Variants in NKAIN2 observed in about 807,000 individuals in gnomAD.
The protein encoded by NKAIN2 is sodium/potassium-transporting ATPase subunit beta-1-interacting protein 2.
Under a neutral mutation model 32.6 loss-of-function variants are expected in NKAIN2, and 14 were observed. That is an observed-to-expected ratio of 0.43 (90% CI 0.28 to 0.67). The LOEUF (loss-of-function observed/expected upper bound fraction) is 0.67. NKAIN2 is among the 30% of genes least tolerant of loss of function. The pLI, the probability that NKAIN2 is intolerant of heterozygous loss-of-function variation, is 0.17. For missense variants in NKAIN2, 198 were observed against 258.3 expected (o/e 0.77, Z 1.60); for synonymous variants, 80 against 87.2 (o/e 0.92, Z 0.46).
In NKAIN2 at chr6:124,061,223, T is replaced by C. The variant is rs144934465; in HGVS notation, c.55-221782T>C. On this transcript the variant is annotated intron_variant, in intron 1 of 6. Coordinates refer to ENST00000368417, the MANE Select transcript of NKAIN2 (RefSeq NM_001040214.3). ...CATGCATCTTGAAGATAAATAGGAG[T>C]ACACCACCATATATGTGCTGGAGTT... Among the ~76,000 whole-genome samples, 158 of 152,212 alleles carry C rather than the reference T, an allele frequency of 1.0e-3. 1 individual carries two copies. Among genetic ancestry groups the C allele is most frequent in the Non-Finnish European group, 1.9e-3 (130 of 67,992 alleles).
At chr6:124,762,324 A>G (rs1778308937) in intron 4 of NKAIN2, among the ~76,000 whole-genome samples, 1 of 152,110 alleles carries the variant, frequency 6.6e-6, no homozygotes, top group Admixed American at 6.6e-5. Context: ...GACATTAGTC[A>G]GATTGGATTA....
intron 4 of NKAIN2, among the ~76,000 whole-genome samples, chr6:124,674,897 T>C (rs780305128): frequency 6.6e-6 from 1 of 152,070 alleles, no homozygotes; most frequent in Non-Finnish European, 1.5e-5. Context: ...CAATGTTGAA[T>C]AAAAGTGGCA....
At chr6:124,426,503 CAG>C in intron 3 of NKAIN2, among the ~76,000 whole-genome samples, 1 of 152,116 alleles carries the variant, frequency 6.6e-6, no homozygotes, top group Admixed American at 6.6e-5. Flanking sequence ...AAAAATAAAA[CAG>C]AGATAAATGA....
intron 1 of NKAIN2, among the ~76,000 whole-genome samples, chr6:124,007,196 C>A (rs1438748046): frequency 2.0e-5 from 3 of 152,282 alleles, no homozygotes; most frequent in East Asian, 1.9e-4. Context: ...CTAAACATAT[C>A]TAAACATAGA....
At chr6:124,418,920 G>A (rs1774621166) in intron 3 of NKAIN2, among the ~76,000 whole-genome samples, 1 of 151,982 alleles carries the variant, frequency 6.6e-6, no homozygotes, top group Non-Finnish European at 1.5e-5. Context: ...TGGTTTCTCA[G>A]GGGACTTTAC....
At chr6:124,242,694 A>G (rs564562528) in intron 1 of NKAIN2, among the ~76,000 whole-genome samples, 1 of 152,304 alleles carries the variant, frequency 6.6e-6, no homozygotes, top group Admixed American at 6.5e-5. Context: ...CGTATACACC[A>G]TGGAATACTA....
intron 3 of NKAIN2, among the ~76,000 whole-genome samples, chr6:124,590,348 T>C (rs1781866178): frequency 6.6e-6 from 1 of 152,200 alleles, no homozygotes; most frequent in South Asian, 2.1e-4. Flanking sequence ...TTAAGAATCT[T>C]GAAATGCATC....
chr6:124,387,392 C>G (rs1004452695), intron 3 of NKAIN2, among the ~76,000 whole-genome samples: 11 of 151,682 alleles, frequency 7.3e-5, no homozygotes. Context: ...TGAACTACTT[C>G]AGAATATTTA....
At chr6:123,853,155 A>C (rs1233013816) in intron 1 of NKAIN2, among the ~76,000 whole-genome samples, 2 of 152,186 alleles carry the variant, frequency 1.3e-5, no homozygotes, top group Non-Finnish European at 2.9e-5. Flanking sequence ...TTTTTGGATC[A>C]GTTTCCTATA....
At chr6:124,182,440 A>G (rs1318296897) in intron 1 of NKAIN2, among the ~76,000 whole-genome samples, 1 of 152,240 alleles carries the variant, frequency 6.6e-6, no homozygotes, top group African/African-American at 2.4e-5. Context: ...ACCATAGACA[A>G]AGACTTTGTC....
intron 1 of NKAIN2, among the ~76,000 whole-genome samples, chr6:124,135,209 A>G (rs1204697944): frequency 3.0e-5 from 3 of 98,806 alleles, no homozygotes; most frequent in Non-Finnish European, 6.4e-5. Flanking sequence ...TAAAACAATT[A>G]CACAATGAAA....
At chr6:124,465,425 C>T (rs112859244) in intron 3 of NKAIN2, among the ~76,000 whole-genome samples, 1,672 of 151,860 alleles carry the variant, frequency 0.011, 29 homozygotes, top group African/African-American at 0.038. Context: ...AAGTGGGAGT[C>T]GAACAATGAG....
chr6:124,591,275 A>C (rs1177672353), intron 3 of NKAIN2, among the ~76,000 whole-genome samples: 7 of 152,240 alleles, frequency 4.6e-5, no homozygotes, highest in Admixed American at 3.9e-4. Context: ...CGAGACAAGA[A>C]ATTCTTGGGA....
chr6:124,306,155 T>C (rs1796498432), intron 2 of NKAIN2, among the ~76,000 whole-genome samples: 1 of 152,166 alleles, frequency 6.6e-6, no homozygotes, highest in Non-Finnish European at 1.5e-5. Flanking sequence ...CTTTTTAGCC[T>C]TCTAATATGG....
chr6:123,847,836 T>C (rs990642566), intron 1 of NKAIN2, among the ~76,000 whole-genome samples: 11 of 152,164 alleles, frequency 7.2e-5, no homozygotes, highest in Non-Finnish European at 1.3e-4. Context: ...AAAAAAATGC[T>C]GTGGCCTTGG....
At chr6:123,835,069 A>G (rs1340193891) in intron 1 of NKAIN2, among the ~76,000 whole-genome samples, 2 of 152,184 alleles carry the variant, frequency 1.3e-5, no homozygotes, top group East Asian at 1.9e-4. Context: ...GCACAGTTCT[A>G]GCCTTTTAGA....
intron 1 of NKAIN2, among the ~76,000 whole-genome samples, chr6:123,864,324 A>T (rs1010194534): frequency 1.1e-4 from 16 of 152,334 alleles, no homozygotes; most frequent in African/African-American, 3.6e-4. Context: ...CTCTGTTTCA[A>T]TGTCAAATAA....
chr6:124,675,249 G>A (rs1467854416), intron 4 of NKAIN2, among the ~76,000 whole-genome samples: 2 of 152,016 alleles, frequency 1.3e-5, no homozygotes, highest in Non-Finnish European at 2.9e-5. Flanking sequence ...TTAAGGTGTT[G>A]TTAAGTTTAG....
intron 3 of NKAIN2, among the ~76,000 whole-genome samples, chr6:124,522,195 A>G (rs1348876256): frequency 6.6e-6 from 1 of 152,190 alleles, no homozygotes; most frequent in African/African-American, 2.4e-5. Flanking sequence ...AGCCACTAAC[A>G]TATATCTGTA....
Sources: allele counts gnomAD v4.1 joint callset (sites outside exome capture counted in the v4.1 genomes callset), GRCh38; gene constraint gnomAD v4.1.1; transcripts MANE v1.5; gene names NCBI Gene and HGNC (gene_info 2026-07-23, HGNC 2026-07-21).